MFSD1: variants seen among roughly 807,000 people sequenced by gnomAD.
MFSD1 encodes the protein lysosomal dipeptide transporter MFSD1.
In MFSD1, 59 loss-of-function variants were observed where a neutral mutation model predicts 67.1. The ratio of observed to expected loss-of-function variants is 0.88; its 90% CI spans 0.71 to 1.09. The LOEUF (loss-of-function observed/expected upper bound fraction) is 1.09, where lower values mean the gene tolerates loss of function less well. MFSD1 is among the 50% of genes least tolerant of loss of function. MFSD1 has a pLI of 0.00. For synonymous variants in MFSD1, 213 were observed against 200.3 expected (o/e 1.06, Z -0.54); for missense variants, 552 against 566.1 (o/e 0.97, Z 0.25).
chr3:158,823,392 G>A, intron 11 of MFSD1, 36 bp from the exon 12 acceptor site: 1 of 1,397,850 alleles, frequency 7.2e-7, no homozygotes, highest in Non-Finnish European at 1.0e-6. Context: ...TTTGGTTAAT[G>A]TAAGACTGTG....
At position 158,803,789 on chromosome 3, in the gene MFSD1, C is replaced by T. The variant is rs183519345; in HGVS notation, c.164-530C>T. ...TGTTTTAATTTAATCCTTTAGAATTCTCAGTTTCATTTTTTTTTCACTCCT... is the reference window on the plus strand; with the variant it reads ...TGTTTTAATTTAATCCTTTAGAATTTTCAGTTTCATTTTTTTTTCACTCCT... On this transcript the variant is annotated intron_variant, in intron 1 of 15. Coordinates refer to ENST00000415822, the MANE Select transcript of MFSD1 (RefSeq NM_022736.4). Among the ~76,000 whole-genome samples the T allele has an allele frequency of 4.6e-3, 706 of 152,190 alleles. 3 individuals carry two copies. Among genetic ancestry groups the T allele is most frequent in the Middle Eastern group, 0.014 (4 of 294 alleles).
At chr3:158,820,459 A>AGTAAT in intron 9 of MFSD1, 133 bp downstream of exon 9, 1 of 615,434 alleles carries the variant, frequency 1.6e-6, no homozygotes, top group Non-Finnish European at 2.9e-6. Flanking sequence ...ATTACTTTAG[A>AGTAAT]TCCTGGGATA....
At chr3:158,817,489 C>G (rs965164910) in intron 7 of MFSD1, among the ~76,000 whole-genome samples, 2 of 152,178 alleles carry the variant, frequency 1.3e-5, no homozygotes, top group Admixed American at 1.3e-4. Flanking sequence ...TGAGTGAACT[C>G]CCATTCACAA....
intron 11 of MFSD1, 164 bp from the exon 12 acceptor site, chr3:158,823,264 G>C: frequency 1.6e-6 from 1 of 617,220 alleles, no homozygotes; most frequent in Non-Finnish European, 2.9e-6. Flanking sequence ...TTAGGGCAGA[G>C]ACTTGTTTTG....
At chr3:158,804,424 C>G in intron 2 of MFSD1, 53 bp downstream of exon 2, 1 of 1,461,102 alleles carries the variant, frequency 6.8e-7, no homozygotes, top group Non-Finnish European at 9.5e-7. Context: ...GCAAGTGTAG[C>G]GGTGGAGGCA....
At position 158,826,182 on chromosome 3, in the gene MFSD1, A is replaced by G. The variant is rs1203574443; in HGVS notation, c.1336+120A>G. ...ATGCAGTAATGACTTTCTGTTCATA[A>G]TGATGGAAACACATTTGATTATGTA... On this transcript the variant is annotated intron_variant, in intron 14 of 15. Coordinates refer to ENST00000415822, the MANE Select transcript of MFSD1 (RefSeq NM_022736.4). The G allele has an allele frequency of 2.1e-5, 14 of 671,950 alleles. No homozygotes were observed. In the South Asian group the frequency reaches 2.4e-4, roughly 12 times the overall value. The allele number at this position is 671,950 out of a possible 1,614,324, so 41.6% of individuals were successfully genotyped here. A position where few individuals can be genotyped will look rare whatever the true frequency, so the allele number is the denominator to read the frequency against.
intron 4 of MFSD1, 93 bp from the exon 5 acceptor site, chr3:158,807,303 T>A: frequency 9.5e-7 from 1 of 1,057,358 alleles, no homozygotes; most frequent in Non-Finnish European, 1.4e-6. Flanking sequence ...TTAAAACTAT[T>A]GTAGAAGTTG....
intron 4 of MFSD1, 132 bp from the exon 5 acceptor site, chr3:158,807,264 T>A: frequency 2.1e-6 from 2 of 942,042 alleles, no homozygotes; most frequent in Non-Finnish European, 3.3e-6. Flanking sequence ...ATTAATATTT[T>A]AACTTCACAG....
intron 2 of MFSD1, among the ~76,000 whole-genome samples, chr3:158,804,991 G>A (rs1426049705): frequency 6.6e-6 from 1 of 152,168 alleles, no homozygotes; most frequent in Non-Finnish European, 1.5e-5. Flanking sequence ...AGGGTAGGTA[G>A]GGATAGGCTA....
Position 158,817,092 on chromosome 3 carries a change from C to T in MFSD1, c.653-2557C>T, listed in dbSNP as rs535854776. 4.6e-5 allele frequency among the ~76,000 whole-genome samples: 7 copies of T among 152,070 alleles called. No homozygotes were observed. The South Asian group carries it at 6.2e-4, about 14-fold the overall frequency. On this transcript the variant is annotated intron_variant, in intron 7 of 15. Coordinates refer to ENST00000415822, the MANE Select transcript of MFSD1 (RefSeq NM_022736.4). ...TTTGAAGTCAGGTAGCATGATGGGA[C>T]GTGTCTCAAAATAATAAGAGCTATC...
intron 1 of MFSD1, 100 bp from the exon 2 acceptor site, chr3:158,804,219 C>G (rs1055383974): frequency 2.7e-6 from 2 of 745,622 alleles, no homozygotes; most frequent in Non-Finnish European, 4.4e-6. Flanking sequence ...AGTGTCAACC[C>G]GTAGTATCAG....
intron 6 of MFSD1, among the ~76,000 whole-genome samples, chr3:158,813,079 C>A (rs944100122): frequency 1.3e-5 from 2 of 151,062 alleles, no homozygotes; most frequent in Non-Finnish European, 2.9e-5. Context: ...AAGTACTTGT[C>A]AATATTTAAT....
chr3:158,802,636 T>G, intron 1 of MFSD1: 1 of 595,954 alleles, frequency 1.7e-6, no homozygotes, highest in Non-Finnish European at 3.1e-6. Flanking sequence ...ATTTTCAAGG[T>G]TCCTCTTTTG....
In MFSD1 at chr3:158,827,342, G is replaced by A; in HGVS notation, c.1394+5G>A. 2.0e-6 allele frequency: 3 copies of A among 1,480,008 alleles called. No homozygotes were observed. Among genetic ancestry groups the A allele is most frequent in the Non-Finnish European group, 2.7e-6 (3 of 1,099,566 alleles). The allele number at this position is 1,480,008 out of a possible 1,614,324, so 91.7% of individuals were successfully genotyped here. ...AATAAAATTTTCCCATACTGAGTAA[G>A]TATTAAAAGGGTAAAAAGTTGTCTT... On this transcript the variant is annotated splice_donor_5th_base_variant and intron_variant, in intron 15 of 15. Coordinates refer to ENST00000415822, the MANE Select transcript of MFSD1 (RefSeq NM_022736.4).
At chr3:158,804,496 C>A in intron 2 of MFSD1, 125 bp downstream of exon 2, 1 of 629,704 alleles carries the variant, frequency 1.6e-6, no homozygotes, top group South Asian at 2.3e-5. Flanking sequence ...CATCTGTAGT[C>A]ACCAAATCCA....
intron 3 of MFSD1, 127 bp downstream of exon 3, chr3:158,805,601 T>TA (rs1188202164): frequency 6.4e-6 from 5 of 785,040 alleles, no homozygotes; most frequent in East Asian, 2.6e-5. Flanking sequence ...TTGAGTTTTT[T>TA]AAAAAAATGA....
At chr3:158,822,875 T>C (rs1730748774) in intron 11 of MFSD1, 1 of 154,718 alleles carries the variant, frequency 6.5e-6, no homozygotes, top group Admixed American at 6.3e-5. Context: ...TTGTCATTGT[T>C]TTAATCTTTG....
intron 7 of MFSD1, 27 bp from the exon 8 acceptor site, chr3:158,819,620 GTT>G: frequency 8.4e-7 from 1 of 1,194,600 alleles, no homozygotes; most frequent in Non-Finnish European, 1.1e-6. Flanking sequence ...TTCAAAGTCT[GTT>G]TTTCTTTTTT....
At chr3:158,802,750 G>C (rs1275189090) in intron 1 of MFSD1, 1 of 360,574 alleles carries the variant, frequency 2.8e-6, no homozygotes, top group Non-Finnish European at 5.5e-6. Context: ...ACCCAGCCCG[G>C]AGTGCAGTGT....
Sources: gnomAD v4.1 joint callset for allele counts (sites outside exome capture counted in the v4.1 genomes callset) on GRCh38, gnomAD v4.1.1 for gene constraint, MANE v1.5 for transcripts, NCBI Gene and HGNC (gene_info 2026-07-23, HGNC 2026-07-21) for gene names.